The following SNX16 variants were observed in gnomAD, a reference collection of about 807,000 sequenced individuals.
The protein encoded by SNX16 is sorting nexin-16.
A neutral mutation model predicts 36.7 loss-of-function variants in SNX16; 35 were observed. The observed-to-expected ratio is 0.95, with a 90% CI of 0.73 to 1.27. SNX16 has a LOEUF of 1.27. Among genes scored for constraint, SNX16 ranks in the 50% most tolerant of loss-of-function variants. SNX16 has a pLI of 0.00. For synonymous variants in SNX16, 134 were observed against 132.0 expected (o/e 1.02, Z -0.10); for missense variants, 367 against 393.6 (o/e 0.93, Z 0.57).
At chr8:81,815,495 T>C (rs2130659861) in intron 4 of SNX16, 101 bp from the exon 5 acceptor site, 1 of 830,046 alleles carries the variant, frequency 1.2e-6, no homozygotes, top group East Asian at 2.8e-5. Flanking sequence ...TTTAAACAAG[T>C]TGGTTATGTG....
rs899049901 is a variant in SNX16 at position 81,840,769 on chromosome 8, G to A, written c.-96-687C>T. On this transcript the variant is annotated intron_variant, in intron 1 of 7. Coordinates refer to ENST00000345957, the MANE Select transcript of SNX16 (RefSeq NM_152836.3). ...CAGGTCATCACTAATTCTGCTCTAC[G>A]ATAAACTGAGGGTATTTAAATCTTT... 3.9e-5 allele frequency among the ~76,000 whole-genome samples: 6 copies of A among 152,278 alleles called. No individual in the cohort carries two copies. The South Asian group carries it at 6.2e-4, about 16-fold the overall frequency.
At chr8:81,834,322 G>C (rs1339576510) in intron 2 of SNX16, among the ~76,000 whole-genome samples, 2 of 152,250 alleles carry the variant, frequency 1.3e-5, no homozygotes, top group East Asian at 3.9e-4. Flanking sequence ...CAACATGTGG[G>C]AATTCAAGAT....
At position 81,841,341 on chromosome 8, in the gene SNX16, C is replaced by CAAA. The variant is rs34609959; in HGVS notation, c.-97+778_-97+780dup. The stretch of plus-strand genomic sequence containing the variant: ...GGGCTACAAGAGGAAAACTCCGTCT[C>CAAA]AAAAAAAAAAAAAAAAAAGATTTTT... On this transcript the variant is annotated intron_variant, in intron 1 of 7. Coordinates refer to ENST00000345957, the MANE Select transcript of SNX16 (RefSeq NM_152836.3). 7.8e-4 allele frequency among the ~76,000 whole-genome samples: 70 copies of CAAA among 89,618 alleles called. 2 individuals carry two copies. Among genetic ancestry groups the CAAA allele is most frequent in the East Asian group, 6.9e-3 (25 of 3,632 alleles). 58.8% of individuals were successfully genotyped at this position (89,618 alleles called of 152,430 possible).
rs1445983708 is a variant in SNX16, at chr8:81,800,070, C to G, written c.*1427G>C. ...TCCTTTTTACTTCAAAGGTTAACAA[C>G]AGCCATTGAATGTGTTGATATATGT... On this transcript the variant is annotated 3_prime_UTR_variant, in exon 8 of 8. Transcript: ENST00000345957. 1 of 151,762 alleles carries G rather than the reference C, an allele frequency of 6.6e-6. No individual in the cohort carries two copies. The highest frequency in any genetic ancestry group is 1.5e-5 in the Non-Finnish European group (1 of 67,766). 9.4% of individuals were successfully genotyped at this position (151,762 alleles called of 1,614,324 possible). A position where few individuals can be genotyped will look rare whatever the true frequency, so the allele number is the denominator to read the frequency against.
At chr8:81,835,453 T>C (rs1020689565) in intron 2 of SNX16, among the ~76,000 whole-genome samples, 1 of 152,226 alleles carries the variant, frequency 6.6e-6, no homozygotes, top group African/African-American at 2.4e-5. Context: ...GATTTTACTT[T>C]CTATTGCACT....
chr8:81,808,064 C>G lies in SNX16; in HGVS notation c.682-4836G>C, dbSNP rs1810049632. ...GTCTCAAGGGAAGATTCTCAAAGAC[C>G]AGTTGCCTACTTAACTGTGAAAAAG... On this transcript the variant is annotated intron_variant, in intron 5 of 7. Transcript: ENST00000345957. The G allele has an allele frequency of 3.0e-6, 3 of 1,008,222 alleles. No individual in the cohort carries two copies. The South Asian group carries it at 3.8e-5, about 13-fold the overall frequency. 62.5% of individuals were successfully genotyped at this position (1,008,222 alleles called of 1,614,324 possible).
intron 1 of SNX16, chr8:81,841,822 A>T (rs1811795447): frequency 1.3e-5 from 2 of 152,114 alleles, no homozygotes; most frequent in South Asian, 4.2e-4. Flanking sequence ...GCACAGTTCG[A>T]CCCTCGGAAG....
chr8:81,805,921 C>CA (rs151100597), intron 5 of SNX16, among the ~76,000 whole-genome samples: 13,954 of 149,480 alleles, frequency 0.093, 733 homozygotes, highest in East Asian at 0.18. Flanking sequence ...ACTCTTATCT[C>CA]AAAAAAAAGA....
intron 5 of SNX16, chr8:81,808,687 G>A (rs1386835247): frequency 9.8e-7 from 1 of 1,019,440 alleles, no homozygotes. Flanking sequence ...GGTGGCTATG[G>A]CGGTTCCAGG....
chr8:81,822,960 A>ATGTATATG lies in SNX16; in HGVS notation c.611+831_611+832insCATATACA, dbSNP rs1339488210. Among the ~76,000 whole-genome samples, 48 of 59,190 alleles carry ATGTATATG rather than the reference A, an allele frequency of 8.1e-4. 1 individual carries two copies. In the South Asian group the frequency reaches 0.021, roughly 26 times the overall value. The allele number at this position is 59,190 out of a possible 152,430, so 38.8% of individuals were successfully genotyped here. On this transcript the variant is annotated intron_variant, in intron 4 of 7. Coordinates refer to ENST00000345957, the MANE Select transcript of SNX16 (RefSeq NM_152836.3). ...TATATACATATACATATATATATAT[A>ATGTATATG]TATATATATATATATACACATATGT...
At chr8:81,826,017 T>C (rs1811000314) in intron 3 of SNX16, among the ~76,000 whole-genome samples, 1 of 143,444 alleles carries the variant, frequency 7.0e-6, no homozygotes, top group Admixed American at 7.2e-5. Context: ...ATTTAAATGG[T>C]TAGATTTTTT....
chr8:81,818,995 T>C (rs1054109669), intron 4 of SNX16, among the ~76,000 whole-genome samples: 7 of 152,126 alleles, frequency 4.6e-5, no homozygotes, highest in South Asian at 4.1e-4. Flanking sequence ...TGTTCTGTCA[T>C]ATTAATGTTT....
At chr8:81,806,040 G>A (rs1809926386) in intron 5 of SNX16, among the ~76,000 whole-genome samples, 1 of 152,042 alleles carries the variant, frequency 6.6e-6, no homozygotes, top group African/African-American at 2.4e-5. Context: ...AGACATCAAA[G>A]AAACAGAATC....
chr8:81,819,737 T>C (rs1446301213), intron 4 of SNX16, among the ~76,000 whole-genome samples: 1 of 152,100 alleles, frequency 6.6e-6, no homozygotes, highest in Non-Finnish European at 1.5e-5. Context: ...CTGTTTATTA[T>C]GTAAATATTA....
chr8:81,839,828 T>C lies in SNX16; in HGVS notation c.159A>G (p.Lys53=). The C allele has an allele frequency of 6.2e-7, 1 of 1,613,764 alleles. No individual in the cohort carries two copies. The highest frequency in any genetic ancestry group is 1.1e-5 in the South Asian group (1 of 91,076). The change falls in exon 2 of 8, where the codon AAA becomes AAG. Residue 53 remains lysine (K), a synonymous_variant. Coordinates refer to ENST00000345957, the MANE Select transcript of SNX16 (RefSeq NM_152836.3). ...CCATTTGATCAGGAACACTTGTCTG[T>C]TTAAAATTACCCATATTTGAGTCTT... is the stretch of plus-strand genomic sequence containing the variant. ...QLEDSNMGNF[K]QTSVPDQMDN...
At chr8:81,824,111 G>A (rs1041114481) in intron 3 of SNX16, among the ~76,000 whole-genome samples, 171 bp from the exon 4 acceptor site, 2 of 152,122 alleles carry the variant, frequency 1.3e-5, no homozygotes, top group African/African-American at 2.4e-5. Context: ...TACCAGCTGT[G>A]TATACAGAAG....
chr8:81,833,658 T>C (rs2130754302), intron 2 of SNX16, among the ~76,000 whole-genome samples: 1 of 152,340 alleles, frequency 6.6e-6, no homozygotes, highest in Admixed American at 6.5e-5. Context: ...TGACTTTATT[T>C]TCTTGTCTTA....
At chr8:81,835,977 T>C (rs1410133335) in intron 2 of SNX16, among the ~76,000 whole-genome samples, 2 of 152,354 alleles carry the variant, frequency 1.3e-5, no homozygotes, top group East Asian at 1.9e-4. Context: ...CAAGTCCCTT[T>C]TGCCTATCAG....
rs572959879 is a variant in SNX16, at chr8:81,828,431, T to C, written c.462+999A>G. Among the ~76,000 whole-genome samples, 5 of 152,308 alleles carry C rather than the reference T, an allele frequency of 3.3e-5. No homozygotes were observed. The South Asian group carries it at 1.0e-3, about 32-fold the overall frequency. ...TTATTGATCATTTATGTTTCTTCTG[T>C]GAATTATCCTGCTCATACTGTTTGT... On this transcript the variant is annotated intron_variant, in intron 3 of 7. Coordinates refer to ENST00000345957, the MANE Select transcript of SNX16 (RefSeq NM_152836.3).
Sources: allele counts gnomAD v4.1 joint callset (sites outside exome capture counted in the v4.1 genomes callset), GRCh38; gene constraint gnomAD v4.1.1; transcripts MANE v1.5; gene names NCBI Gene and HGNC (gene_info 2026-07-23, HGNC 2026-07-21).